The following OCA2 variants were observed in gnomAD, a reference collection of about 807,000 sequenced individuals.
OCA2 encodes P protein.
OCA2 carries 77 observed loss-of-function variants against 100.2 expected under a neutral mutation model. That is an observed-to-expected ratio of 0.77 (90% CI 0.64 to 0.93). The LOEUF (loss-of-function observed/expected upper bound fraction) is 0.93, where lower values mean the gene tolerates loss of function less well. Among genes scored for constraint, OCA2 ranks in the 40% least tolerant of loss-of-function variants. The probability of loss-of-function intolerance (pLI) is 0.00; values close to 1 mark genes in which losing one functional copy is unlikely to be tolerated. For missense variants in OCA2, 1,062 were observed against 1,089.1 expected (o/e 0.98, Z 0.35); for synonymous variants, 432 against 439.2 (o/e 0.98, Z 0.21).
At chr15:27,959,345 C>T (rs2040334289) in intron 15 of OCA2, among the ~76,000 whole-genome samples, 1 of 151,656 alleles carries the variant, frequency 6.6e-6, no homozygotes, top group South Asian at 2.1e-4. Flanking sequence ...ACCTATGAGG[C>T]TATGATAACA....
intron 2 of OCA2, among the ~76,000 whole-genome samples, chr15:28,034,162 C>T (rs537994852): frequency 6.6e-6 from 1 of 152,046 alleles, no homozygotes; most frequent in East Asian, 2.0e-4. Context: ...CATAGTGGTG[C>T]ACACTTGTAG....
At chr15:27,920,392 T>A (rs2038815162) in intron 19 of OCA2, among the ~76,000 whole-genome samples, 2 of 152,214 alleles carry the variant, frequency 1.3e-5, no homozygotes, top group Non-Finnish European at 2.9e-5. Flanking sequence ...GGACATTTTA[T>A]TATGATTTCA....
At chr15:28,001,596 G>A (rs1474679658) in intron 9 of OCA2, among the ~76,000 whole-genome samples, 2 of 152,150 alleles carry the variant, frequency 1.3e-5, no homozygotes, top group Non-Finnish European at 2.9e-5. Context: ...TTCTTTCCTT[G>A]TGTGTCTGTG....
intron 18 of OCA2, among the ~76,000 whole-genome samples, chr15:27,930,974 G>T (rs2039226729): frequency 6.6e-6 from 1 of 152,240 alleles, no homozygotes; most frequent in Middle Eastern, 3.4e-3. Context: ...ACATATGCCT[G>T]CTCACAACTA....
At chr15:27,724,578 C>G in the OCA2 span, among the ~76,000 whole-genome samples, 1 of 152,034 alleles carries the variant, frequency 6.6e-6, no homozygotes, top group Non-Finnish European at 1.5e-5. Flanking sequence ...CTCAGCAGGC[C>G]CCTGACCCCA....
At chr15:27,825,190 G>A (rs992839910) in intron 23 of OCA2, among the ~76,000 whole-genome samples, 1 of 152,058 alleles carries the variant, frequency 6.6e-6, no homozygotes, top group Non-Finnish European at 1.5e-5. Flanking sequence ...CTCCAGCCAC[G>A]TGGCCCACAC....
intron 23 of OCA2, among the ~76,000 whole-genome samples, chr15:27,812,289 T>G (rs957723928): frequency 1.3e-5 from 2 of 152,182 alleles, no homozygotes; most frequent in Non-Finnish European, 2.9e-5. Context: ...GATTCTAAGA[T>G]TGTAAGTGGT....
chr15:28,017,172 A>G (rs1032992721), intron 7 of OCA2, among the ~76,000 whole-genome samples: 1 of 152,198 alleles, frequency 6.6e-6, no homozygotes, highest in African/African-American at 2.4e-5. Flanking sequence ...AAGCACACGC[A>G]TGAGAGAACA....
At chr15:27,951,949 G>A (rs777885158) in intron 17 of OCA2, 57 bp from the exon 18 acceptor site, 29 of 1,185,042 alleles carry the variant, frequency 2.4e-5, no homozygotes, top group African/African-American at 1.1e-4. Context: ...CTCCTGCAGC[G>A]TGTCATAACC....
At chr15:27,992,869 T>C (rs2041601273) in intron 9 of OCA2, among the ~76,000 whole-genome samples, 1 of 152,178 alleles carries the variant, frequency 6.6e-6, no homozygotes, top group Admixed American at 6.5e-5. Context: ...ACACCTGTAA[T>C]CGCAGCACTT....
At chr15:27,747,840 G>C in the OCA2 span, among the ~76,000 whole-genome samples, 1 of 152,140 alleles carries the variant, frequency 6.6e-6, no homozygotes, top group Admixed American at 6.5e-5. Flanking sequence ...TTTCCAGAAA[G>C]TTCTATTTCT....
At chr15:28,076,053 T>G (rs1304604122) in intron 2 of OCA2, among the ~76,000 whole-genome samples, 5 of 152,212 alleles carry the variant, frequency 3.3e-5, no homozygotes, top group Non-Finnish European at 7.3e-5. Flanking sequence ...TTGAGCAATC[T>G]GCAACAGCAC....
chr15:27,888,891 T>C (rs1481373678), intron 19 of OCA2, among the ~76,000 whole-genome samples: 2 of 152,176 alleles, frequency 1.3e-5, no homozygotes, highest in Non-Finnish European at 2.9e-5. Context: ...ATTGTAGTGA[T>C]ACAGAGCAAA....
intron 1 of OCA2, 66 bp from the exon 2 acceptor site, chr15:28,081,961 G>C (rs1026481056): frequency 1.4e-5 from 18 of 1,304,434 alleles, no homozygotes; most frequent in Middle Eastern, 2.2e-4. Flanking sequence ...TGCACCTTGG[G>C]AGTCCGTACA....
chr15:27,768,731 G>A (rs769851106), intron 23 of OCA2, among the ~76,000 whole-genome samples: 1 of 152,198 alleles, frequency 6.6e-6, no homozygotes, highest in Non-Finnish European at 1.5e-5. Flanking sequence ...GTCAAGAAGA[G>A]ACCAGTGATA....
chr15:27,724,246 GAA>G, the OCA2 span, among the ~76,000 whole-genome samples: 1 of 152,208 alleles, frequency 6.6e-6, no homozygotes. Context: ...CTGGAGGCTG[GAA>G]GGCTGAGATC....
chr15:28,053,895 C>G (rs1211562899), intron 2 of OCA2, among the ~76,000 whole-genome samples: 1 of 152,162 alleles, frequency 6.6e-6, no homozygotes, highest in Non-Finnish European at 1.5e-5. Context: ...CCACTGCCCC[C>G]ACAGGCAAGT....
chr15:27,988,191 G>A (rs564468423), intron 11 of OCA2, among the ~76,000 whole-genome samples: 1 of 152,076 alleles, frequency 6.6e-6, no homozygotes, highest in Non-Finnish European at 1.5e-5. Flanking sequence ...GGAAATGGGG[G>A]AGAAGAGGCA....
At chr15:27,891,193 C>T (rs2037446813) in intron 19 of OCA2, among the ~76,000 whole-genome samples, 2 of 152,098 alleles carry the variant, frequency 1.3e-5, no homozygotes, top group African/African-American at 4.8e-5. Context: ...ATAAAGGAAT[C>T]TTAATGGAAG....
Sources: allele counts gnomAD v4.1 joint callset (sites outside exome capture counted in the v4.1 genomes callset), GRCh38; gene constraint gnomAD v4.1.1; transcripts MANE v1.5; gene names NCBI Gene and HGNC (gene_info 2026-07-23, HGNC 2026-07-21).